Variants in MBOAT2 observed in about 807,000 individuals in gnomAD.
The protein encoded by MBOAT2 is membrane-bound glycerophospholipid O-acyltransferase 2.
MBOAT2 carries 28 observed loss-of-function variants against 63.4 expected under a neutral mutation model. That is an observed-to-expected ratio of 0.44 (90% confidence interval 0.33 to 0.61). The LOEUF (loss-of-function observed/expected upper bound fraction) is 0.61. MBOAT2 is among the 20% of genes least tolerant of loss of function. The pLI is 0.03. For synonymous variants in MBOAT2, 211 were observed against 215.6 expected, an observed-to-expected ratio of 0.98 and a Z score of 0.19; for missense variants, 470 against 605.8, an observed-to-expected ratio of 0.78 and a Z score of 2.35.
intron 1 of MBOAT2, among the ~76,000 whole-genome samples, chr2:8,959,242 GA>G (rs2103276916): frequency 6.6e-6 from 1 of 152,264 alleles, no homozygotes; most frequent in Admixed American, 6.5e-5. Context: ...GAATGAATTA[GA>G]TAAGGGACAA....
chr2:8,966,076 T>G (rs547783261), intron 1 of MBOAT2, among the ~76,000 whole-genome samples: 2 of 152,154 alleles, frequency 1.3e-5, no homozygotes, highest in African/African-American at 4.8e-5. Flanking sequence ...CCTCCCAAGG[T>G]GAACAGCCAG....
In MBOAT2 at chr2:8,862,853, G is replaced by A; in HGVS notation, c.1053-131C>T. The A allele has an allele frequency of 3.6e-6, 4 of 1,122,184 alleles. No individual in the cohort carries two copies. The highest frequency in any genetic ancestry group is 4.9e-6 in the Non-Finnish European group (4 of 814,060). The allele number at this position is 1,122,184 out of a possible 1,614,324, so 69.5% of individuals were successfully genotyped here. On this transcript the variant is annotated intron_variant, in intron 10 of 12. Transcript: ENST00000305997. This position sits in a 1 kb window ranked among gnomAD's most constrained non-coding sequence, Gnocchi z 4.3. Reference sequence around the variant, plus strand: ...GAAAAACAAATACAACTTATCTTAGGCAATCACTTCTCTATGATCTCAGGG... The same window carrying A: ...GAAAAACAAATACAACTTATCTTAGACAATCACTTCTCTATGATCTCAGGG...
At chr2:8,872,532 T>C (rs1295720937) in intron 8 of MBOAT2, among the ~76,000 whole-genome samples, 2 of 152,174 alleles carry the variant, frequency 1.3e-5, no homozygotes, top group Non-Finnish European at 2.9e-5. Context: ...TCCTCCCACC[T>C]TGAACTCCCA....
rs1661033537 is a variant in MBOAT2, at chr2:8,855,641, T to C, written c.*3038A>G. On this transcript the variant is annotated 3_prime_UTR_variant, in exon 13 of 13. Transcript: ENST00000305997. Reference sequence around the variant, plus strand: ...TAGAAGCTAAATAAATTCCCCCAATTACCCTGAGTTCCAATAAAAATACTT... The same window carrying C: ...TAGAAGCTAAATAAATTCCCCCAATCACCCTGAGTTCCAATAAAAATACTT... 1 of 152,186 alleles carries C rather than the reference T, an allele frequency of 6.6e-6. No individual in the cohort carries two copies. Among genetic ancestry groups the C allele is most frequent in the Non-Finnish European group, 1.5e-5 (1 of 68,036 alleles). 9.4% of individuals were successfully genotyped at this position (152,186 alleles called of 1,614,324 possible). A position where few individuals can be genotyped will look rare whatever the true frequency, so the allele number is the denominator to read the frequency against.
In MBOAT2 at chr2:8,892,927, G is replaced by A. The variant is rs369173232; in HGVS notation, c.396-4854C>T. On this transcript the variant is annotated intron_variant, in intron 4 of 12. Coordinates refer to ENST00000305997, the MANE Select transcript of MBOAT2 (RefSeq NM_138799.4). Reference sequence around the variant, plus strand: ...GACACCGGATCCAGCAGGCTCTGCAGAGCGAGGACACAGGCTTGGATCTGA... The same window carrying A: ...GACACCGGATCCAGCAGGCTCTGCAAAGCGAGGACACAGGCTTGGATCTGA... Among the ~76,000 whole-genome samples the A allele has an allele frequency of 4.6e-5, 7 of 152,270 alleles. No homozygotes were observed. In the East Asian group the frequency reaches 1.2e-3, roughly 25 times the overall value.
chr2:9,001,918 T>C (rs1442433776), intron 1 of MBOAT2, among the ~76,000 whole-genome samples: 1 of 152,010 alleles, frequency 6.6e-6, no homozygotes, highest in East Asian at 1.9e-4. Context: ...CTGAAAGAAA[T>C]GTAAATATAT....
chr2:8,871,813 C>A (rs1025240711), intron 8 of MBOAT2, among the ~76,000 whole-genome samples: 2 of 152,176 alleles, frequency 1.3e-5, no homozygotes, highest in Middle Eastern at 3.4e-3. Context: ...TCCTTAGAGG[C>A]CTAATTATTG....
rs1033596818 is a variant in MBOAT2 at position 8,858,569 on chromosome 2, A to G, written c.*110T>C. The G allele has an allele frequency of 4.8e-5, 37 of 769,418 alleles. No homozygotes were observed. Among genetic ancestry groups the G allele is most frequent in the Non-Finnish European group, 7.1e-5 (34 of 480,196 alleles). The allele number at this position is 769,418 out of a possible 1,614,324, so 47.7% of individuals were successfully genotyped here. A position where few individuals can be genotyped will look rare whatever the true frequency, so the allele number is the denominator to read the frequency against. On this transcript the variant is annotated 3_prime_UTR_variant, in exon 13 of 13. Transcript: ENST00000305997. ...GGAAATTCCTTATCTATAACTGTCC[A>G]TTTCCCCCCAGTTAACTGCTTTTCC...
intron 12 of MBOAT2, among the ~76,000 whole-genome samples, chr2:8,859,137 T>C (rs1661317297): frequency 1.3e-5 from 2 of 152,182 alleles, no homozygotes; most frequent in East Asian, 1.9e-4. Context: ...CTAGATAGCA[T>C]ATTACATTCC....
intron 4 of MBOAT2, among the ~76,000 whole-genome samples, chr2:8,892,154 C>A (rs1664050222): frequency 6.6e-6 from 1 of 152,164 alleles, no homozygotes; most frequent in African/African-American, 2.4e-5. Flanking sequence ...CAATTACTTT[C>A]ATGATTGTTC....
intron 5 of MBOAT2, among the ~76,000 whole-genome samples, chr2:8,886,655 G>C (rs531825481): frequency 6.6e-6 from 1 of 152,322 alleles, no homozygotes. Context: ...CTGTTCTAAA[G>C]AGATAATTAC....
At chr2:8,957,903 T>C (rs1669340669) in intron 2 of MBOAT2, among the ~76,000 whole-genome samples, 1 of 152,182 alleles carries the variant, frequency 6.6e-6, no homozygotes. Context: ...AAGTACAGTA[T>C]TTCTGTATTT....
intron 1 of MBOAT2, among the ~76,000 whole-genome samples, chr2:8,967,085 T>C (rs1353847372): frequency 6.6e-6 from 1 of 152,182 alleles, no homozygotes; most frequent in Non-Finnish European, 1.5e-5. Flanking sequence ...ATACAACATA[T>C]AAATGTACTT....
chr2:8,956,312 T>C (rs1669219319), intron 2 of MBOAT2, among the ~76,000 whole-genome samples: 2 of 152,196 alleles, frequency 1.3e-5, no homozygotes, highest in Admixed American at 1.3e-4. Context: ...ATCTTACACA[T>C]GGTACAGAGG....
Position 8,854,573 on chromosome 2 carries a change from CAAGT to C in MBOAT2, c.*4102_*4105del, listed in dbSNP as rs1660963952. On this transcript the variant is annotated 3_prime_UTR_variant, in exon 13 of 13. Transcript: ENST00000305997. ...CACTATTCTGAAACAATTATTTTCTCAAGTAATTTTTCTTTCAATTATAATGTAG... is the reference window on the plus strand; with the variant it reads ...CACTATTCTGAAACAATTATTTTCTCAATTTTTCTTTCAATTATAATGTAG... 6.6e-6 allele frequency: 1 copy of C among 152,160 alleles called. No individual in the cohort carries two copies. The highest frequency in any genetic ancestry group is 2.4e-5 in the African/African-American group (1 of 41,430). 9.4% of individuals were successfully genotyped at this position (152,160 alleles called of 1,614,324 possible).
chr2:8,982,882 A>G (rs1671298005), intron 1 of MBOAT2, among the ~76,000 whole-genome samples: 1 of 152,190 alleles, frequency 6.6e-6, no homozygotes, highest in Non-Finnish European at 1.5e-5. Flanking sequence ...TTACTTTTCC[A>G]TAACCCCTCA....
chr2:8,973,198 G>A (rs899331400), intron 1 of MBOAT2, among the ~76,000 whole-genome samples: 1 of 152,098 alleles, frequency 6.6e-6, no homozygotes, highest in Admixed American at 6.5e-5. Flanking sequence ...CATAAAAAAG[G>A]ATGAGTTCAT....
chr2:8,979,326 T>C (rs1671043525), intron 1 of MBOAT2, among the ~76,000 whole-genome samples: 1 of 152,190 alleles, frequency 6.6e-6, no homozygotes. Flanking sequence ...TGAACCAATT[T>C]AGGCATTTTT....
chr2:8,867,222 G>A (rs1333311108), intron 9 of MBOAT2, among the ~76,000 whole-genome samples: 1 of 152,078 alleles, frequency 6.6e-6, no homozygotes, highest in Non-Finnish European at 1.5e-5. Flanking sequence ...TTGCCATGTT[G>A]CCCAGGCTGG....
Sources: allele counts gnomAD v4.1 joint callset (sites outside exome capture counted in the v4.1 genomes callset), GRCh38; gene constraint gnomAD v4.1.1; non-coding constraint Gnocchi (gnomAD v3.1); transcripts MANE v1.5; gene names NCBI Gene and HGNC (gene_info 2026-07-23, HGNC 2026-07-21).